Variants in ASTN2 observed in about 807,000 individuals in gnomAD.
The protein encoded by ASTN2 is astrotactin-2.
Under a neutral mutation model 139.8 loss-of-function variants are expected in ASTN2, and 54 were observed. The observed-to-expected ratio is 0.39, with a 90% CI of 0.31 to 0.48. The LOEUF is 0.48. ASTN2 is among the 20% of genes least tolerant of loss of function. The pLI is 0.95. For missense variants in ASTN2, 1,565 were observed against 1,725.1 expected, an observed-to-expected ratio of 0.91 and a Z score of 1.64; for synonymous variants, 756 against 719.5, an observed-to-expected ratio of 1.05 and a Z score of -0.81.
chr9:116,777,346 C>T (rs1376136808), intron 13 of ASTN2, among the ~76,000 whole-genome samples: 3 of 152,154 alleles, frequency 2.0e-5, no homozygotes, highest in Non-Finnish European at 4.4e-5. Context: ...GTGTCATCAT[C>T]TCACCCTCTG....
intron 22 of ASTN2, among the ~76,000 whole-genome samples, chr9:116,433,921 T>A (rs1266148527): frequency 6.6e-6 from 1 of 152,238 alleles, no homozygotes; most frequent in Non-Finnish European, 1.5e-5. Context: ...TGTTCTTTGA[T>A]AACAGAAATG....
chr9:117,024,178 C>G (rs748987570), intron 6 of ASTN2, among the ~76,000 whole-genome samples: 10 of 152,132 alleles, frequency 6.6e-5, no homozygotes, highest in Non-Finnish European at 1.2e-4. Context: ...CTCTAAGAAT[C>G]TTTTGATGTC....
chr9:116,709,462 C>A (rs1300750010), intron 16 of ASTN2, among the ~76,000 whole-genome samples: 3 of 152,146 alleles, frequency 2.0e-5, no homozygotes, highest in Non-Finnish European at 2.9e-5. Flanking sequence ...AAACAGGACC[C>A]AAGTCAGCAC....
chr9:116,733,365 G>T, intron 14 of ASTN2, 34 bp downstream of exon 14: 1 of 1,597,952 alleles, frequency 6.3e-7, no homozygotes, highest in Middle Eastern at 1.8e-4. Context: ...GTGTGGTCAG[G>T]GAACCTGGGA....
intron 4 of ASTN2, among the ~76,000 whole-genome samples, chr9:117,138,510 G>T (rs577674840): frequency 1.3e-5 from 2 of 152,188 alleles, no homozygotes; most frequent in African/African-American, 2.4e-5. Flanking sequence ...AGCCAGATCC[G>T]CAAGCCAAGG....
rs531877492 is a variant in ASTN2, at chr9:116,480,812, C to T, written c.3497+6547G>A. 5.9e-5 allele frequency among the ~76,000 whole-genome samples: 9 copies of T among 152,252 alleles called. No individual in the cohort carries two copies. The East Asian group carries it at 7.7e-4, about 13-fold the overall frequency. On this transcript the variant is annotated intron_variant, in intron 20 of 22. Transcript: ENST00000313400. Reference sequence around the variant, plus strand: ...GAAGAGACTGGCGCACTCTAGCAAGCGTGCCTGCAGAGTGGTGGGTAGGGG... The same window carrying T: ...GAAGAGACTGGCGCACTCTAGCAAGTGTGCCTGCAGAGTGGTGGGTAGGGG...
chr9:117,174,603 A>G (rs1448130502), intron 3 of ASTN2, among the ~76,000 whole-genome samples: 2 of 151,688 alleles, frequency 1.3e-5, no homozygotes, highest in Non-Finnish European at 2.9e-5. Context: ...TAATGTTGAT[A>G]TTGGAACTTA....
chr9:116,687,146 G>A (rs1860272377), intron 16 of ASTN2: 3 of 1,079,204 alleles, frequency 2.8e-6, no homozygotes, highest in East Asian at 6.5e-5. Context: ...ACTGGATTAC[G>A]TGTCGCTAAG....
chr9:116,442,197 C>G (rs1847860191), intron 21 of ASTN2, among the ~76,000 whole-genome samples: 1 of 152,164 alleles, frequency 6.6e-6, no homozygotes, highest in African/African-American at 2.4e-5. Flanking sequence ...TAAGTCAGAA[C>G]ACAGATCAAC....
chr9:117,217,921 C>G (rs1298611901), intron 2 of ASTN2, among the ~76,000 whole-genome samples: 1 of 152,202 alleles, frequency 6.6e-6, no homozygotes, highest in Non-Finnish European at 1.5e-5. Context: ...GATATGTGCT[C>G]TTTCATTCAC....
intron 4 of ASTN2, among the ~76,000 whole-genome samples, chr9:117,108,438 A>AAC (rs3041147): frequency 0.033 from 4,859 of 145,230 alleles, 181 homozygotes; most frequent in African/African-American, 0.09. Context: ...AACAAAACAA[A>AAC]ACACACACAC....
intron 3 of ASTN2, among the ~76,000 whole-genome samples, chr9:117,159,503 A>C (rs1830501612): frequency 6.6e-6 from 1 of 152,166 alleles, no homozygotes; most frequent in East Asian, 1.9e-4. Context: ...GAGCTTGATT[A>C]GATATTTCTA....
Position 116,697,856 on chromosome 9 carries a change from C to T in ASTN2, c.2806+27915G>A, listed in dbSNP as rs761012752. 15 of 1,614,092 alleles carry T rather than the reference C, an allele frequency of 9.3e-6. No individual in the cohort carries two copies. The highest frequency in any genetic ancestry group is 1.2e-5 in the Non-Finnish European group (14 of 1,180,048). On this transcript the variant is annotated intron_variant, in intron 16 of 22. Coordinates refer to ENST00000313400, the MANE Select transcript of ASTN2 (RefSeq NM_001365068.1). Reference sequence around the variant, plus strand: ...AGCAGCTGCGTCCCAAGCTTCTGCACTGTGGCCATACCATCTGCCGCCAGT... The same window carrying T: ...AGCAGCTGCGTCCCAAGCTTCTGCATTGTGGCCATACCATCTGCCGCCAGT...
chr9:117,225,535 G>GTGTATATATATATATATA (rs372269409), intron 2 of ASTN2, among the ~76,000 whole-genome samples: 2 of 63,962 alleles, frequency 3.1e-5, no homozygotes, highest in African/African-American at 8.7e-5. Flanking sequence ...CAAGCTGTAT[G>GTGTATATATATATATATA]TATATATATA....
intron 11 of ASTN2, among the ~76,000 whole-genome samples, chr9:116,830,382 T>C (rs1180698134): frequency 6.7e-6 from 1 of 149,788 alleles, no homozygotes; most frequent in Non-Finnish European, 1.5e-5. Flanking sequence ...GGAATGTAAA[T>C]GAGCACAACC....
At chr9:116,430,971 C>T (rs141763167) in intron 22 of ASTN2, among the ~76,000 whole-genome samples, 18 of 152,264 alleles carry the variant, frequency 1.2e-4, no homozygotes, top group African/African-American at 4.1e-4. Flanking sequence ...TGTCAAATAC[C>T]GGAAATGAAA....
intron 22 of ASTN2, among the ~76,000 whole-genome samples, chr9:116,427,811 T>G (rs1451316422): frequency 6.6e-6 from 1 of 152,252 alleles, no homozygotes; most frequent in Non-Finnish European, 1.5e-5. Flanking sequence ...CTATCCACAG[T>G]CCTCTTTCCC....
intron 13 of ASTN2, among the ~76,000 whole-genome samples, chr9:116,804,763 A>G (rs995836845): frequency 6.6e-6 from 1 of 152,136 alleles, no homozygotes; most frequent in Non-Finnish European, 1.5e-5. Context: ...ATGACCTCAA[A>G]TGATTAGGAG....
chr9:116,451,419 G>A (rs932653166), intron 20 of ASTN2, among the ~76,000 whole-genome samples: 1 of 151,702 alleles, frequency 6.6e-6, no homozygotes. Context: ...ACTAGGTGCT[G>A]GGCATTCTGC....
Sources: allele counts gnomAD v4.1 joint callset (sites outside exome capture counted in the v4.1 genomes callset), GRCh38; gene constraint gnomAD v4.1.1; transcripts MANE v1.5; gene names NCBI Gene and HGNC (gene_info 2026-07-23, HGNC 2026-07-21).